The following MLLT10 variants were observed in gnomAD, a reference collection of about 807,000 sequenced individuals.
The protein encoded by MLLT10 is MLLT10 histone lysine methyltransferase DOT1L cofactor.
In MLLT10, 30 loss-of-function variants were observed where a neutral mutation model predicts 129.1. The observed-to-expected ratio is 0.23, with a 90% CI of 0.17 to 0.32. MLLT10 has a LOEUF of 0.32. MLLT10 is among the 10% of genes least tolerant of loss of function. The pLI is 1.00. For missense variants in MLLT10, 1,119 were observed against 1,268.3 expected (o/e 0.88, Z 1.79); for synonymous variants, 490 against 446.4 (o/e 1.10, Z -1.23).
chr10:21,665,580 G>A (rs537066919), intron 9 of MLLT10, among the ~76,000 whole-genome samples: 2 of 151,858 alleles, frequency 1.3e-5, no homozygotes, highest in South Asian at 2.1e-4. Context: ...GAGCCACTGC[G>A]CCCAGCCAAA....
chr10:21,618,947 C>T lies in MLLT10; in HGVS notation c.699+1740C>T, dbSNP rs369553548. Among the ~76,000 whole-genome samples the T allele has an allele frequency of 1.4e-4, 21 of 151,914 alleles. No individual in the cohort carries two copies. In the South Asian group the frequency reaches 4.4e-3, roughly 32 times the overall value. On this transcript the variant is annotated intron_variant, in intron 8 of 22. Coordinates refer to ENST00000307729, the MANE Select transcript of MLLT10 (RefSeq NM_001195626.3). ...ACAGGGTTTCACTATGTTGTCCAGG[C>T]TGGTCTCCAACTCCTGGTCTCATGC...
chr10:21,544,809 G>T (rs534559167), intron 3 of MLLT10, among the ~76,000 whole-genome samples: 1 of 152,144 alleles, frequency 6.6e-6, no homozygotes, highest in African/African-American at 2.4e-5. Flanking sequence ...GAAGACTAAA[G>T]AAAGACCTGT....
intron 3 of MLLT10, among the ~76,000 whole-genome samples, chr10:21,555,927 A>G (rs2037876410): frequency 1.3e-5 from 2 of 151,188 alleles, no homozygotes; most frequent in Non-Finnish European, 2.9e-5. Context: ...TCCGTCTCCA[A>G]AAGTGCTGGG....
At chr10:21,682,344 C>A in intron 13 of MLLT10, 87 bp downstream of exon 13, 1 of 1,280,012 alleles carries the variant, frequency 7.8e-7, no homozygotes, top group South Asian at 1.3e-5. Flanking sequence ...CTAGCATGTT[C>A]TATTGATTAG....
At chr10:21,690,830 CTCT>C (rs1268779304) in intron 13 of MLLT10, among the ~76,000 whole-genome samples, 1 of 152,056 alleles carries the variant, frequency 6.6e-6, no homozygotes, top group Non-Finnish European at 1.5e-5. Context: ...GTTTTCAAAA[CTCT>C]TCTTTTGTGT....
intron 2 of MLLT10, among the ~76,000 whole-genome samples, chr10:21,535,321 C>T (rs2033746005): frequency 6.6e-6 from 1 of 152,080 alleles, no homozygotes; most frequent in African/African-American, 2.4e-5. Context: ...GGTCGCCTTG[C>T]CTCTTTAGAT....
chr10:21,720,295 ACAGCTTCAACAGT>A (rs2057037974), intron 14 of MLLT10, among the ~76,000 whole-genome samples: 1 of 152,252 alleles, frequency 6.6e-6, no homozygotes, highest in South Asian at 2.1e-4. Flanking sequence ...ATTGAACCTG[ACAGCTTCAACAGT>A]CAGCCTACTC....
chr10:21,588,239 A>G (rs1374894375), intron 4 of MLLT10, among the ~76,000 whole-genome samples: 2 of 151,708 alleles, frequency 1.3e-5, no homozygotes, highest in East Asian at 1.9e-4. Flanking sequence ...GCTAATTTTT[A>G]TATTTTTAGT....
intron 16 of MLLT10, among the ~76,000 whole-genome samples, chr10:21,728,333 G>A (rs144170862): frequency 3.3e-5 from 5 of 152,268 alleles, no homozygotes; most frequent in East Asian, 1.9e-4. Context: ...CAGTAAAGTC[G>A]TGTGGTAGAT....
chr10:21,617,844 T>C (rs1052393159), intron 8 of MLLT10, among the ~76,000 whole-genome samples: 2 of 152,326 alleles, frequency 1.3e-5, no homozygotes, highest in African/African-American at 2.4e-5. Context: ...TAATTTGTTC[T>C]TTAATATGTT....
chr10:21,731,789 C>A (rs2057990521), intron 17 of MLLT10, among the ~76,000 whole-genome samples: 1 of 152,018 alleles, frequency 6.6e-6, no homozygotes, highest in Non-Finnish European at 1.5e-5. Context: ...TGGTGGTTAG[C>A]TGGAGATGTG....
chr10:21,678,627 G>A (rs991333171), intron 11 of MLLT10, among the ~76,000 whole-genome samples: 4 of 152,104 alleles, frequency 2.6e-5, no homozygotes, highest in Non-Finnish European at 4.4e-5. Flanking sequence ...AGGGTAGGAT[G>A]GGTTCATTGA....
intron 9 of MLLT10, among the ~76,000 whole-genome samples, chr10:21,668,746 G>T (rs193135438): frequency 8.6e-4 from 131 of 152,210 alleles, no homozygotes; most frequent in Admixed American, 2.2e-3. Context: ...TGTTAAATAA[G>T]TGGGAAAAAT....
chr10:21,647,091 C>T (rs555776540), intron 8 of MLLT10, among the ~76,000 whole-genome samples: 4 of 152,196 alleles, frequency 2.6e-5, no homozygotes, highest in African/African-American at 4.8e-5. Context: ...CTCCCGACCT[C>T]GTGATCCGCC....
At chr10:21,647,468 G>GA (rs2048606819) in intron 8 of MLLT10, among the ~76,000 whole-genome samples, 1 of 152,190 alleles carries the variant, frequency 6.6e-6, no homozygotes, top group South Asian at 2.1e-4. Context: ...CCAGCCTGGG[G>GA]AAAATAGCAA....
At position 21,730,798 on chromosome 10, in the gene MLLT10, T is replaced by A. The variant is rs74981339; in HGVS notation, c.2064-102T>A. ...TACTTCTGGCATAGGCAGCCTGGTGTTATAAAACTCATACAGGAGAAAAGG... is the reference window on the plus strand; with the variant it reads ...TACTTCTGGCATAGGCAGCCTGGTGATATAAAACTCATACAGGAGAAAAGG... On this transcript the variant is annotated intron_variant, in intron 16 of 22. Transcript: ENST00000307729. 8.5e-4 allele frequency: 1,060 copies of A among 1,241,582 alleles called. 11 individuals are homozygous for A. The African/African-American group carries it at 0.014, about 16-fold the overall frequency. 76.9% of individuals were successfully genotyped at this position (1,241,582 alleles called of 1,614,324 possible). A position where few individuals can be genotyped will look rare whatever the true frequency, so the allele number is the denominator to read the frequency against.
In MLLT10 at chr10:21,733,878, G is replaced by A; in HGVS notation, c.2607G>A (p.Gln869=). The change falls in exon 20 of 23, where the codon CAG becomes CAA. Residue 869 remains glutamine, a synonymous_variant. Coordinates refer to ENST00000307729, the MANE Select transcript of MLLT10 (RefSeq NM_001195626.3). ...GCTCAGGAGTGAGTGGAGTTCAGCA[G>A]GTCAATGGCGTGACAGTGGGGGCAC... ...QQGSGVSGVQ[Q]VNGVTVGALA... The A allele has an allele frequency of 6.2e-7, 1 of 1,614,178 alleles. No individual in the cohort carries two copies. The highest frequency in any genetic ancestry group is 8.5e-7 in the Non-Finnish European group (1 of 1,180,034).
chr10:21,605,674 ATCC>A (rs2043991146), intron 5 of MLLT10, among the ~76,000 whole-genome samples: 1 of 152,076 alleles, frequency 6.6e-6, no homozygotes, highest in South Asian at 2.1e-4. Context: ...GGCTCAAGCT[ATCC>A]TCCTGCTTTA....
intron 20 of MLLT10, among the ~76,000 whole-genome samples, chr10:21,734,748 A>G (rs1338736788): frequency 6.6e-6 from 1 of 152,206 alleles, no homozygotes; most frequent in African/African-American, 2.4e-5. Flanking sequence ...TTAGAAAAGG[A>G]TAGGTCAAAT....
Sources: allele counts gnomAD v4.1 joint callset (sites outside exome capture counted in the v4.1 genomes callset), GRCh38; gene constraint gnomAD v4.1.1; transcripts MANE v1.5; gene names NCBI Gene and HGNC (gene_info 2026-07-23, HGNC 2026-07-21).